Variants in RPS15A observed in about 807,000 individuals in gnomAD.
The protein encoded by RPS15A is small ribosomal subunit protein uS8.
For synonymous variants in RPS15A, 55 were observed against 58.5 expected, an observed-to-expected ratio of 0.94 and a Z score of 0.27; for missense variants, 62 against 163.4, an observed-to-expected ratio of 0.38 and a Z score of 3.38.
At chr16:18,783,684 C>A (rs1292910838) in intron 4 of RPS15A, 2 of 455,998 alleles carry the variant, frequency 4.4e-6, no homozygotes, top group Non-Finnish European at 8.8e-6. Context: ...TCAACCAAGG[C>A]ACCAGACGCA....
rs56008565 is a variant in RPS15A at position 18,782,729 on chromosome 16, GAA to G, written c.*278_*279del. On this transcript the variant is annotated 3_prime_UTR_variant, in exon 5 of 5. Transcript: ENST00000322989. ...AGAGTCAGACTCTGTCTCCAAAAAA[GAA>G]AAAAAAAAAAAAAAACTGAAATACA... 583 of 163,350 alleles carry G rather than the reference GAA, an allele frequency of 3.6e-3. 1 individual carries two copies. The highest frequency in any genetic ancestry group is 9.5e-3 in the East Asian group (50 of 5,256). 10.1% of individuals were successfully genotyped at this position (163,350 alleles called of 1,614,324 possible). A position where few individuals can be genotyped will look rare whatever the true frequency, so the allele number is the denominator to read the frequency against.
At chr16:18,787,746 C>G (rs2029914188) in intron 3 of RPS15A, among the ~76,000 whole-genome samples, 1 of 152,184 alleles carries the variant, frequency 6.6e-6, no homozygotes, top group Non-Finnish European at 1.5e-5. Context: ...GGCTCAATGG[C>G]CTTGAGCCAC....
chr16:18,789,984 G>A (rs1465820321), intron 1 of RPS15A: 1 of 152,326 alleles, frequency 6.6e-6, no homozygotes, highest in Non-Finnish European at 1.5e-5. Context: ...GTTGCCCGCC[G>A]CCCGGGGCCA....
intron 4 of RPS15A, chr16:18,783,822 T>C: frequency 2.4e-6 from 1 of 412,220 alleles, no homozygotes; most frequent in East Asian, 7.1e-5. Context: ...GATGAAGAAA[T>C]CAAGGCTGTG....
intron 3 of RPS15A, 96 bp from the exon 4 acceptor site, chr16:18,784,919 C>A: frequency 1.1e-6 from 1 of 938,216 alleles, no homozygotes; most frequent in Non-Finnish European, 1.7e-6. Flanking sequence ...AACAGTCCTC[C>A]AAACCAACCA....
At chr16:18,783,221 A>C in intron 4 of RPS15A, 119 bp from the exon 5 acceptor site, 1 of 650,200 alleles carries the variant, frequency 1.5e-6, no homozygotes, top group Non-Finnish European at 2.7e-6. Flanking sequence ...GGCACATAGG[A>C]ACTGACAGTG....
rs1039079199 is a variant in RPS15A at position 18,789,468 on chromosome 16, G to A, written c.-5-350C>T. On this transcript the variant is annotated intron_variant, in intron 1 of 4. Transcript: ENST00000322989. ...AACTGGCAGAAACTGCCAGCTACCG[G>A]AAGGAAAACATCGGGTATAGTCGAT... 7.9e-5 allele frequency among the ~76,000 whole-genome samples: 12 copies of A among 152,228 alleles called. No homozygotes were observed. In the South Asian group the frequency reaches 1.9e-3, roughly 24 times the overall value.
intron 3 of RPS15A, 165 bp from the exon 4 acceptor site, chr16:18,784,988 A>G: frequency 1.8e-6 from 1 of 557,852 alleles, no homozygotes; most frequent in Non-Finnish European, 3.1e-6. Context: ...TTTTCAAAAA[A>G]TACACCTAAG....
At chr16:18,783,299 G>A in intron 4 of RPS15A, 197 bp from the exon 5 acceptor site, 1 of 543,924 alleles carries the variant, frequency 1.8e-6, no homozygotes, top group Non-Finnish European at 3.3e-6. Flanking sequence ...GCCAAATCCA[G>A]AGAGCCCAGC....
At chr16:18,785,009 C>G in intron 3 of RPS15A, 186 bp from the exon 4 acceptor site, 1 of 525,746 alleles carries the variant, frequency 1.9e-6, no homozygotes, top group South Asian at 2.6e-5. Context: ...TAAGACTACG[C>G]CTGCCTAGGA....
intron 3 of RPS15A, among the ~76,000 whole-genome samples, chr16:18,787,149 C>A (rs1383916885): frequency 6.6e-6 from 1 of 152,234 alleles, no homozygotes. Flanking sequence ...AGGCGTGACC[C>A]ACTGTGCCCA....
chr16:18,788,493 CTT>C (rs1209438434), intron 2 of RPS15A: 859 of 179,790 alleles, frequency 4.8e-3, no homozygotes, highest in South Asian at 0.012. Flanking sequence ...TCCTTTCTTT[CTT>C]TTTTTTTTTT....
At position 18,781,315 on chromosome 16, in the gene RPS15A, AT is replaced by A. The variant is rs1903963349; in HGVS notation, c.*1693del. ...TGGAGCCATTTTCATATCCTATTTTATTTTTGAAGTCAGTGTCCAGAAAGAA... is the reference window on the plus strand; with the variant it reads ...TGGAGCCATTTTCATATCCTATTTTATTTTGAAGTCAGTGTCCAGAAAGAA... On this transcript the variant is annotated 3_prime_UTR_variant, in exon 5 of 5. Transcript: ENST00000322989. 6.7e-6 allele frequency: 1 copy of A among 149,328 alleles called. No individual in the cohort carries two copies. 9.3% of individuals were successfully genotyped at this position (149,328 alleles called of 1,614,324 possible). A position where few individuals can be genotyped will look rare whatever the true frequency, so the allele number is the denominator to read the frequency against.
At chr16:18,784,952 T>G in intron 3 of RPS15A, 129 bp from the exon 4 acceptor site, 1 of 677,424 alleles carries the variant, frequency 1.5e-6, no homozygotes, top group Non-Finnish European at 2.5e-6. Context: ...GATGGGTACT[T>G]ATTCTGTGCA....
Position 18,788,104 on chromosome 16 carries a change from C to G in RPS15A, c.172G>C (p.Ala58Pro). 6.2e-7 allele frequency: 1 copy of G among 1,612,700 alleles called. No individual in the cohort carries two copies. Among genetic ancestry groups the G allele is most frequent in the Non-Finnish European group, 8.5e-7 (1 of 1,178,966 alleles). Residue 58 changes from alanine (A) to proline (P), a missense_variant, in exon 3 of 5, where the codon GCT (alanine) becomes CCT (proline). Physicochemically the swap from Ala to Pro is conservative, Grantham distance 27. Coordinates refer to ENST00000322989, the MANE Select transcript of RPS15A (RefSeq NM_001019.5). ...GEFEIIDDHR[A>P]GKIVVNLTGR... Reference sequence around the variant, plus strand: ...GTGAGGTTCACAACAATTTTCCCAGCTCTGTGGTCATCAATGATTTCAAAT... The same window carrying G: ...GTGAGGTTCACAACAATTTTCCCAGGTCTGTGGTCATCAATGATTTCAAAT...
chr16:18,783,692 G>A (rs1904000934), intron 4 of RPS15A: 1 of 455,966 alleles, frequency 2.2e-6, no homozygotes, highest in Non-Finnish European at 4.4e-6. Context: ...GGCACCAGAC[G>A]CATAATTTGG....
intron 3 of RPS15A, among the ~76,000 whole-genome samples, chr16:18,787,339 C>T (rs2029905415): frequency 6.6e-6 from 1 of 152,188 alleles, no homozygotes. Context: ...CCATTTATCA[C>T]TAGAGACAGA....
At chr16:18,789,621 CTA>C (rs749993653) in intron 1 of RPS15A, among the ~76,000 whole-genome samples, 5 of 152,212 alleles carry the variant, frequency 3.3e-5, no homozygotes, top group Admixed American at 6.5e-5. Flanking sequence ...ACACATCTAA[CTA>C]TTAAACATCC....
intron 4 of RPS15A, 80 bp from the exon 5 acceptor site, chr16:18,783,182 CATCA>C: frequency 1.1e-6 from 1 of 918,180 alleles, no homozygotes; most frequent in Non-Finnish European, 1.7e-6. Flanking sequence ...CATCAACACT[CATCA>C]GTGGTTAAGG....
Sources: allele counts gnomAD v4.1 joint callset (sites outside exome capture counted in the v4.1 genomes callset), GRCh38; gene constraint gnomAD v4.1.1; transcripts MANE v1.5; gene names NCBI Gene and HGNC (gene_info 2026-07-23, HGNC 2026-07-21).